The following DYNC1I2 variants were observed in gnomAD, a reference collection of about 807,000 sequenced individuals.
DYNC1I2 encodes the protein dynein cytoplasmic 1 intermediate chain 2.
Under a neutral mutation model 88.6 loss-of-function variants are expected in DYNC1I2, and 53 were observed. The ratio of observed to expected loss-of-function variants is 0.60; its 90% CI spans 0.48 to 0.75. The LOEUF is 0.75. Among genes scored for constraint, DYNC1I2 ranks in the 30% least tolerant of loss-of-function variants. DYNC1I2 has a pLI of 0.00. For missense variants in DYNC1I2, 458 were observed against 766.6 expected (o/e 0.60, Z 4.75); for synonymous variants, 198 against 254.6 (o/e 0.78, Z 2.12).
Position 171,692,879 on chromosome 2 carries a change from C to A in DYNC1I2, c.211C>A (p.Pro71Thr). 6.3e-7 allele frequency: 1 copy of A among 1,596,252 alleles called. No homozygotes were observed. The highest frequency in any genetic ancestry group is 2.3e-5 in the East Asian group (1 of 44,260). Residue 71 changes from proline (P) to threonine (T), a missense_variant, in exon 3 of 18, where the codon CCA becomes ACA. Physicochemically the swap from Pro to Thr is conservative, Grantham distance 38 (BLOSUM62 -1). Coordinates refer to ENST00000397119, the MANE Select transcript of DYNC1I2 (RefSeq NM_001378.3). ...ATTGCTTCAAAGCATGGGGCTAACTCCAGAATCCCCCATTGGTAAGGTTAA... is the reference window on the plus strand; with the variant it reads ...ATTGCTTCAAAGCATGGGGCTAACTACAGAATCCCCCATTGGTAAGGTTAA... The part of the protein sequence containing the change: ...EALLQSMGLT[P>T]ESPIVFSEYW...
At chr2:171,716,120 A>C (rs999696753) in intron 7 of DYNC1I2, among the ~76,000 whole-genome samples, 3 of 152,142 alleles carry the variant, frequency 2.0e-5, no homozygotes, top group Non-Finnish European at 2.9e-5. Context: ...ACAAAAAAAA[A>C]AGATTTATGT....
chr2:171,733,056 A>G (rs987174956), intron 15 of DYNC1I2, among the ~76,000 whole-genome samples: 20 of 152,026 alleles, frequency 1.3e-4, no homozygotes, highest in African/African-American at 4.3e-4. Flanking sequence ...ATGTATGTTC[A>G]TTGTTTAGCT....
At chr2:171,743,287 G>T (rs1689570952) in intron 15 of DYNC1I2, among the ~76,000 whole-genome samples, 1 of 152,156 alleles carries the variant, frequency 6.6e-6, no homozygotes. Flanking sequence ...AGTTGAGTAG[G>T]CTGAGGAGGA....
rs1491354708 is a variant in DYNC1I2, at chr2:171,747,207, T to TA, written c.1804-569_1804-568insA. On this transcript the variant is annotated intron_variant, in intron 17 of 17. Coordinates refer to ENST00000397119, the MANE Select transcript of DYNC1I2 (RefSeq NM_001378.3). Reference sequence around the variant, plus strand: ...GGACTGTCTCAAAAAAAAAAAAAAATTATATATATATATATATATATATAT... The same window carrying TA: ...GGACTGTCTCAAAAAAAAAAAAAAATATATATATATATATATATATATATAT... Among the ~76,000 whole-genome samples the TA allele has an allele frequency of 2.2e-3, 274 of 124,652 alleles. 2 individuals carry two copies. Among genetic ancestry groups the TA allele is most frequent in the African/African-American group, 5.5e-3 (188 of 34,010 alleles). The allele number at this position is 124,652 out of a possible 152,430, so 81.8% of individuals were successfully genotyped here. A position where few individuals can be genotyped will look rare whatever the true frequency, so the allele number is the denominator to read the frequency against.
Position 171,690,277 on chromosome 2 carries a change from T to A in DYNC1I2, c.108+14T>A, listed in dbSNP as rs1559358571. 6.6e-7 allele frequency: 1 copy of A among 1,526,286 alleles called. No homozygotes were observed. The highest frequency in any genetic ancestry group is 8.8e-7 in the Non-Finnish European group (1 of 1,131,114). The allele number at this position is 1,526,286 out of a possible 1,614,324, so 94.5% of individuals were successfully genotyped here. On this transcript the variant is annotated intron_variant, in intron 2 of 17. Transcript: ENST00000397119. ...AAAAAAAAAGAAGTATGTTTGATTTTTTTGCTTAAATAAACAACATAAAGT... is the reference window on the plus strand; with the variant it reads ...AAAAAAAAAGAAGTATGTTTGATTTATTTGCTTAAATAAACAACATAAAGT...
chr2:171,731,980 A>G (rs1307860414), intron 15 of DYNC1I2, among the ~76,000 whole-genome samples: 1 of 152,060 alleles, frequency 6.6e-6, no homozygotes, highest in Non-Finnish European at 1.5e-5. Flanking sequence ...GCTCCTTACA[A>G]TTTTCACTTT....
chr2:171,715,804 G>T (rs926590306), intron 7 of DYNC1I2, among the ~76,000 whole-genome samples: 5 of 152,106 alleles, frequency 3.3e-5, no homozygotes, highest in African/African-American at 9.7e-5. Flanking sequence ...CCAAAAGAGA[G>T]TGGGTCCCAT....
chr2:171,746,002 C>A, intron 17 of DYNC1I2, 75 bp downstream of exon 17: 5 of 1,546,210 alleles, frequency 3.2e-6, no homozygotes, highest in Non-Finnish European at 4.4e-6. Context: ...TGTGGCTAAC[C>A]CTAGGCTTTG....
chr2:171,700,476 A>G (rs1293697072), intron 3 of DYNC1I2, among the ~76,000 whole-genome samples: 1 of 152,214 alleles, frequency 6.6e-6, no homozygotes, highest in African/African-American at 2.4e-5. Flanking sequence ...CATTTAAAAA[A>G]ATCGTAGCCT....
At chr2:171,706,435 T>C in intron 3 of DYNC1I2, 112 bp from the exon 4 acceptor site, 1 of 841,332 alleles carries the variant, frequency 1.2e-6, no homozygotes, top group Non-Finnish European at 2.0e-6. Context: ...AAGTTGAGGA[T>C]CTAGGGGAAA....
At chr2:171,734,108 G>A (rs560478141) in intron 15 of DYNC1I2, among the ~76,000 whole-genome samples, 7 of 152,050 alleles carry the variant, frequency 4.6e-5, no homozygotes, top group Admixed American at 3.3e-4. Context: ...ATGATTGTAG[G>A]TGTGCGGTCT....
At chr2:171,700,205 A>T (rs1158368686) in intron 3 of DYNC1I2, among the ~76,000 whole-genome samples, 2 of 152,148 alleles carry the variant, frequency 1.3e-5, no homozygotes, top group Admixed American at 1.3e-4. Flanking sequence ...CTGAGTTCCC[A>T]TCCTCGTGGG....
At chr2:171,744,767 C>A (rs1286937060) in intron 16 of DYNC1I2, among the ~76,000 whole-genome samples, 1 of 152,068 alleles carries the variant, frequency 6.6e-6, no homozygotes, top group Non-Finnish European at 1.5e-5. Context: ...TTAATTGCAA[C>A]TCTTATTTAT....
chr2:171,712,550 A>G, intron 5 of DYNC1I2: 3 of 490,126 alleles, frequency 6.1e-6, no homozygotes, highest in South Asian at 3.8e-5. Context: ...GTATGCTTGC[A>G]TCTTTAACCA....
intron 1 of DYNC1I2, among the ~76,000 whole-genome samples, chr2:171,689,386 C>T (rs775039394): frequency 6.6e-6 from 1 of 152,172 alleles, no homozygotes; most frequent in African/African-American, 2.4e-5. Context: ...TTAGAACTTA[C>T]AGGAAAGTTC....
At chr2:171,707,114 G>A (rs1299435117) in intron 4 of DYNC1I2, 173 bp from the exon 5 acceptor site, 4 of 904,072 alleles carry the variant, frequency 4.4e-6, no homozygotes, top group Non-Finnish European at 6.8e-6. Flanking sequence ...TTAACTTTTT[G>A]TCTTTTCCCC....
rs548268640 is a variant in DYNC1I2 at position 171,723,603 on chromosome 2, A to G, written c.512-2015A>G. Among the ~76,000 whole-genome samples the G allele has an allele frequency of 3.3e-5, 5 of 152,348 alleles. No homozygotes were observed. In the East Asian group the frequency reaches 9.6e-4, roughly 29 times the overall value. On this transcript the variant is annotated intron_variant, in intron 7 of 17. Transcript: ENST00000397119. ...TTTTCAGATTAATAATTCGTTGTAT[A>G]TGAGAATTCATCTAAAAAGGAGTAG...
At chr2:171,693,294 T>A (rs1685527337) in intron 3 of DYNC1I2, among the ~76,000 whole-genome samples, 1 of 152,210 alleles carries the variant, frequency 6.6e-6, no homozygotes, top group South Asian at 2.1e-4. Context: ...ATGCAAAATA[T>A]ATTAGTATTC....
At chr2:171,721,831 C>T (rs970894435) in intron 7 of DYNC1I2, among the ~76,000 whole-genome samples, 19 of 152,100 alleles carry the variant, frequency 1.2e-4, no homozygotes, top group African/African-American at 3.6e-4. Context: ...ATTTCCTAAA[C>T]AACAGTGCAC....
Sources: gnomAD v4.1 joint callset for allele counts (sites outside exome capture counted in the v4.1 genomes callset) on GRCh38, gnomAD v4.1.1 for gene constraint, MANE v1.5 for transcripts, NCBI Gene and HGNC (gene_info 2026-07-23, HGNC 2026-07-21) for gene names.